Variants in TMEM71 observed in about 807,000 individuals in gnomAD.
The protein encoded by TMEM71 is transmembrane protein 71.
Under a neutral mutation model 38.0 loss-of-function variants are expected in TMEM71, and 44 were observed. The observed-to-expected ratio is 1.16, with a 90% CI of 0.91 to 1.49. The LOEUF (loss-of-function observed/expected upper bound fraction) is 1.49, where lower values mean the gene tolerates loss of function less well. TMEM71 is among the 40% of genes most tolerant of loss of function. The pLI is 0.00. For missense variants in TMEM71, 367 were observed against 348.6 expected (o/e 1.05, Z -0.42); for synonymous variants, 133 against 122.5 (o/e 1.09, Z -0.56).
rs768399164 is a variant in TMEM71, at chr8:132,722,077, G to A, written c.715C>T (p.Leu239=). 1.2e-6 allele frequency: 2 copies of A among 1,613,922 alleles called. No homozygotes were observed. Among genetic ancestry groups the A allele is most frequent in the East Asian group, 4.5e-5 (2 of 44,876 alleles). ...LLQEVFFQAI[L]LAVCLIISAC... ...GAAATGATTAAGCACACAGCAAGCA[G>A]GATTGCCTGAAAGAAGACCTCTTGC... Residue 239 remains leucine (L), a synonymous_variant, in exon 7 of 10, where the codon CTG becomes TTG. Transcript: ENST00000677595.
At chr8:132,739,941 C>G (rs978055363) in intron 5 of TMEM71, among the ~76,000 whole-genome samples, 1 of 152,194 alleles carries the variant, frequency 6.6e-6, no homozygotes, top group Non-Finnish European at 1.5e-5. Flanking sequence ...TTATCTCCCA[C>G]CTGAATCACA....
the TMEM71 span, among the ~76,000 whole-genome samples, chr8:132,769,316 T>C: frequency 6.6e-6 from 1 of 152,242 alleles, no homozygotes; most frequent in Non-Finnish European, 1.5e-5. Context: ...TATTTCAAAA[T>C]GATTTATATT....
intron 5 of TMEM71, among the ~76,000 whole-genome samples, chr8:132,736,179 C>T (rs760167705): frequency 3.9e-5 from 6 of 152,160 alleles, no homozygotes; most frequent in Admixed American, 6.5e-5. Context: ...TGTGATTCAA[C>T]GTTCACTGTT....
At chr8:132,745,435 T>G (rs1227218125) in intron 5 of TMEM71, among the ~76,000 whole-genome samples, 1 of 152,134 alleles carries the variant, frequency 6.6e-6, no homozygotes, top group Non-Finnish European at 1.5e-5. Flanking sequence ...ATGTTCATCA[T>G]CACTAATCAT....
upstream of TMEM71, among the ~76,000 whole-genome samples, chr8:132,762,383 G>A (rs1829312477): frequency 6.6e-6 from 1 of 152,008 alleles, no homozygotes; most frequent in Non-Finnish European, 1.5e-5. Flanking sequence ...CTAGATGAGG[G>A]AGGAAAATCT....
chr8:132,734,953 C>T (rs1291601594), intron 5 of TMEM71, among the ~76,000 whole-genome samples: 1 of 152,126 alleles, frequency 6.6e-6, no homozygotes, highest in Non-Finnish European at 1.5e-5. Flanking sequence ...AAGAGAAGCC[C>T]AAAGCCACAT....
At chr8:132,711,674 G>A (rs768996289) in intron 9 of TMEM71, among the ~76,000 whole-genome samples, 4 of 152,132 alleles carry the variant, frequency 2.6e-5, no homozygotes, top group Admixed American at 6.5e-5. Flanking sequence ...GGCCAGTGGT[G>A]GACAAGACAG....
chr8:132,756,825 G>C (rs564482281), intron 3 of TMEM71, among the ~76,000 whole-genome samples: 8 of 152,072 alleles, frequency 5.3e-5, no homozygotes, highest in African/African-American at 1.9e-4. Context: ...CTGACCTCAG[G>C]TGATCCACCC....
chr8:132,714,139 G>A lies in TMEM71; in HGVS notation c.814+15C>T. 2 of 1,611,404 alleles carry A rather than the reference G, an allele frequency of 1.2e-6. No homozygotes were observed. The highest frequency in any genetic ancestry group is 1.7e-6 in the Non-Finnish European group (2 of 1,177,672). ...TACAGGCATCATTGCAGTAATCTGG[G>A]AAACAGTTACTTACAAGCTACAGTT... On this transcript the variant is annotated intron_variant, in intron 8 of 9. Transcript: ENST00000677595.
chr8:132,707,795 A>T (rs1362897717), downstream of TMEM71, among the ~76,000 whole-genome samples: 1 of 152,324 alleles, frequency 6.6e-6, no homozygotes, highest in African/African-American at 2.4e-5. Flanking sequence ...TAATTTTTAC[A>T]CTATTTTCTG....
chr8:132,724,047 CA>C (rs1826995643), intron 6 of TMEM71, among the ~76,000 whole-genome samples: 2 of 152,060 alleles, frequency 1.3e-5, no homozygotes, highest in Non-Finnish European at 2.9e-5. Context: ...GCAAGAACAG[CA>C]AGTAGGTCAC....
chr8:132,766,892 T>C, the TMEM71 span, among the ~76,000 whole-genome samples: 1 of 151,742 alleles, frequency 6.6e-6, no homozygotes, highest in South Asian at 2.1e-4. Flanking sequence ...CAGAATCCCA[T>C]AATAATCTCT....
chr8:132,739,436 C>T (rs1002990828), intron 5 of TMEM71, among the ~76,000 whole-genome samples: 38 of 152,302 alleles, frequency 2.5e-4, no homozygotes, highest in African/African-American at 8.2e-4. Flanking sequence ...CTCAGCTTCC[C>T]GCATAGCTGG....
intron 4 of TMEM71, 45 bp downstream of exon 4, chr8:132,751,740 G>C (rs1563755825): frequency 6.6e-7 from 1 of 1,523,376 alleles, no homozygotes. Flanking sequence ...ACAATTAATG[G>C]ATGGATTGGA....
At chr8:132,730,643 GT>G (rs1827401136) in intron 5 of TMEM71, among the ~76,000 whole-genome samples, 1 of 152,118 alleles carries the variant, frequency 6.6e-6, no homozygotes, top group Admixed American at 6.5e-5. Flanking sequence ...TAAAATTTGT[GT>G]TTTTTGTTTT....
chr8:132,764,700 G>T (rs1182701591), upstream of TMEM71, among the ~76,000 whole-genome samples: 2 of 152,132 alleles, frequency 1.3e-5, no homozygotes, highest in East Asian at 3.8e-4. Context: ...TCTCTGAGCA[G>T]CCTCTCTGAC....
In TMEM71 at chr8:132,727,901, G is replaced by T; in HGVS notation, c.573C>A (p.Ser191Arg). 6.2e-7 allele frequency: 1 copy of T among 1,614,074 alleles called. No homozygotes were observed. Residue 191 changes from serine (S) to arginine (R), a missense_variant, in exon 6 of 10, where the codon AGC becomes AGA. Transcript: ENST00000677595. ...NAESVITSSSSHIISQPPGGN... is the reference protein window; with the variant it reads ...NAESVITSSSRHIISQPPGGN... ...CTCCAGGAGGCTGAGATATGATGTG[G>T]CTGGAAGAGGAGGTGATCACAGACT...
chr8:132,725,809 T>C (rs888507547), intron 6 of TMEM71, among the ~76,000 whole-genome samples: 17 of 152,074 alleles, frequency 1.1e-4, no homozygotes, highest in African/African-American at 2.4e-4. Context: ...CTCATTTAAT[T>C]TGAGACTTGA....
chr8:132,715,442 A>G (rs1826472988), intron 7 of TMEM71, among the ~76,000 whole-genome samples: 1 of 151,218 alleles, frequency 6.6e-6, no homozygotes, highest in Admixed American at 6.6e-5. Context: ...AAAAGAATGA[A>G]AAGTGTGCAA....
Sources: gnomAD v4.1 joint callset for allele counts (sites outside exome capture counted in the v4.1 genomes callset) on GRCh38, gnomAD v4.1.1 for gene constraint, MANE v1.5 for transcripts, NCBI Gene and HGNC (gene_info 2026-07-23, HGNC 2026-07-21) for gene names.